Variants in HMGB1 observed in about 807,000 individuals in gnomAD.
HMGB1 encodes high mobility group box 1, also known as high mobility group protein B1.
For missense variants in HMGB1, 79 were observed against 253.5 expected (o/e 0.31, Z 4.67); for synonymous variants, 81 against 84.0 (o/e 0.96, Z 0.19).
intron 1 of HMGB1, among the ~76,000 whole-genome samples, chr13:30,471,607 C>T (rs1016966696): frequency 2.0e-5 from 3 of 148,146 alleles, no homozygotes; most frequent in African/African-American, 7.5e-5. Flanking sequence ...CACCCGCCTC[C>T]GCCTCCCAAA....
intron 1 of HMGB1, among the ~76,000 whole-genome samples, chr13:30,606,945 C>T (rs756159519): frequency 6.6e-6 from 1 of 152,232 alleles, no homozygotes; most frequent in African/African-American, 2.4e-5. Context: ...AGTTTCCTCA[C>T]TTACACTGTA....
At chr13:30,594,111 T>C (rs975406467) in intron 1 of HMGB1, among the ~76,000 whole-genome samples, 8 of 152,138 alleles carry the variant, frequency 5.3e-5, no homozygotes, top group Admixed American at 2.6e-4. Context: ...TTCATTTACA[T>C]ACGTATCTAC....
At chr13:30,585,736 A>T (rs984064994) in intron 1 of HMGB1, among the ~76,000 whole-genome samples, 3 of 152,134 alleles carry the variant, frequency 2.0e-5, no homozygotes, top group Non-Finnish European at 4.4e-5. Flanking sequence ...CTTTTTTAAC[A>T]TCACAAAGCT....
intron 1 of HMGB1, chr13:30,539,562 C>A: frequency 3.9e-6 from 1 of 253,178 alleles, no homozygotes; most frequent in South Asian, 7.6e-5. Flanking sequence ...GCCCTTTCTT[C>A]CACAGAGCCC....
Position 30,559,755 on chromosome 13 carries a change from A to T in HMGB1, c.-15+56916T>A, listed in dbSNP as rs1593312383. 6.6e-6 allele frequency among the ~76,000 whole-genome samples: 1 copy of T among 152,198 alleles called. No individual in the cohort carries two copies. Among genetic ancestry groups the T allele is most frequent in the Non-Finnish European group, 1.5e-5 (1 of 68,038 alleles). On this transcript the variant is annotated intron_variant, in intron 1 of 4. Coordinates refer to the HMGB1 transcript ENST00000405805. The surrounding 1 kb of genome is among the most constrained non-coding windows in gnomAD (Gnocchi z 6.6). ...CCCAAGTCTCTCCATAACTACTAAC[A>T]AGGGACTGAGGAGAAGAATTTATAT... is the stretch of plus-strand genomic sequence containing the variant.
In HMGB1 at chr13:30,582,632, C is replaced by T. The variant is rs1176461197; in HGVS notation, c.-15+34039G>A. On this transcript the variant is annotated intron_variant, in intron 1 of 4. Transcript: ENST00000405805. ...CAGCCTGGGTGACAGAGCAAGACTC[C>T]ATCTAAAAAAAAAAAACAAAAACCA... Among the ~76,000 whole-genome samples, 11 of 148,012 alleles carry T rather than the reference C, an allele frequency of 7.4e-5. 1 individual carries two copies. Among genetic ancestry groups the T allele is most frequent in the South Asian group, 2.1e-4 (1 of 4,722 alleles).
At chr13:30,606,871 T>C (rs1272286382) in intron 1 of HMGB1, among the ~76,000 whole-genome samples, 1 of 152,266 alleles carries the variant, frequency 6.6e-6, no homozygotes, top group Non-Finnish European at 1.5e-5. Flanking sequence ...TTATCTTTTC[T>C]GTTGTGTTGA....
intron 1 of HMGB1, among the ~76,000 whole-genome samples, chr13:30,564,124 T>C (rs186242893): frequency 3.2e-4 from 49 of 152,072 alleles, no homozygotes; most frequent in African/African-American, 1.2e-3. Context: ...TGATCAGTTA[T>C]AGGACATGAT....
intron 1 of HMGB1, chr13:30,464,331 C>A: frequency 1.0e-6 from 1 of 985,428 alleles, no homozygotes. Context: ...TCTGACTAAA[C>A]ACGTCCGGTC....
intron 1 of HMGB1, among the ~76,000 whole-genome samples, chr13:30,594,875 C>A (rs1252592176): frequency 6.6e-6 from 1 of 152,148 alleles, no homozygotes; most frequent in East Asian, 1.9e-4. Context: ...AACATACGTT[C>A]TTTTCTGATT....
At chr13:30,492,390 C>G (rs1442074045) in intron 1 of HMGB1, among the ~76,000 whole-genome samples, 1 of 150,546 alleles carries the variant, frequency 6.6e-6, no homozygotes, top group Non-Finnish European at 1.5e-5. Context: ...AAAATATTTG[C>G]AATACATATA....
chr13:30,554,598 C>T, intron 1 of HMGB1: 1 of 771,164 alleles, frequency 1.3e-6, no homozygotes, highest in Non-Finnish European at 2.4e-6. Context: ...AAAATAATGA[C>T]TGAAAAATAC....
At chr13:30,587,307 G>C (rs1228389078) in intron 1 of HMGB1, among the ~76,000 whole-genome samples, 3 of 152,174 alleles carry the variant, frequency 2.0e-5, no homozygotes, top group African/African-American at 7.2e-5. Flanking sequence ...TTTTAAATTA[G>C]AGGTAGTCAT....
chr13:30,539,520 A>C (rs1868763876), intron 1 of HMGB1: 1 of 253,722 alleles, frequency 3.9e-6, no homozygotes, highest in East Asian at 1.1e-4. Context: ...AAATATATTT[A>C]CTCCAAAATT....
chr13:30,518,561 C>G (rs1888151687), intron 1 of HMGB1, among the ~76,000 whole-genome samples: 1 of 152,122 alleles, frequency 6.6e-6, no homozygotes, highest in Non-Finnish European at 1.5e-5. Context: ...TCAGTTTCCT[C>G]TTCTGTAAAA....
rs760793719 is a variant in HMGB1, at chr13:30,457,199, G to A, written c.*4158C>T. ...AGACAAGGCCTCACTATGTTGCCCA[G>A]GCTAGTGTCAAACTCCTGGCCTCAA... On this transcript the variant is annotated 3_prime_UTR_variant, in exon 5 of 5. Transcript: ENST00000341423. The A allele has an allele frequency of 1.3e-5, 2 of 152,104 alleles. No individual in the cohort carries two copies. The highest frequency in any genetic ancestry group is 1.9e-4 in the East Asian group (1 of 5,198). The allele number at this position is 152,104 out of a possible 1,614,324, so 9.4% of individuals were successfully genotyped here.
upstream of HMGB1, among the ~76,000 whole-genome samples, chr13:30,469,936 A>ATTTATT (rs1024222818): frequency 5.4e-5 from 8 of 148,400 alleles, no homozygotes; most frequent in Non-Finnish European, 1.0e-4. Flanking sequence ...GCCCCAGCTA[A>ATTTATT]TTTATTTTTA....
intron 1 of HMGB1, among the ~76,000 whole-genome samples, chr13:30,537,096 C>T (rs1470493594): frequency 6.6e-6 from 1 of 152,180 alleles, no homozygotes; most frequent in South Asian, 2.1e-4. Context: ...TATGAAATGT[C>T]TTTATTTTAC....
intron 1 of HMGB1, among the ~76,000 whole-genome samples, chr13:30,464,919 C>T (rs1429111995): frequency 7.1e-6 from 1 of 141,640 alleles, no homozygotes; most frequent in Non-Finnish European, 1.6e-5. Flanking sequence ...CGGGCCCTCC[C>T]CTCCGCGCCG....
Sources: allele counts gnomAD v4.1 joint callset (sites outside exome capture counted in the v4.1 genomes callset), GRCh38; gene constraint gnomAD v4.1.1; non-coding constraint Gnocchi (gnomAD v3.1); transcripts MANE v1.5; gene names NCBI Gene and HGNC (gene_info 2026-07-23, HGNC 2026-07-21).